Variants in MAN1B1 observed in about 807,000 individuals in gnomAD.
MAN1B1 encodes the protein endoplasmic reticulum mannosyl-oligosaccharide 1,2-alpha-mannosidase.
Under a neutral mutation model 75.5 loss-of-function variants are expected in MAN1B1, and 66 were observed. The ratio of observed to expected loss-of-function variants is 0.87; its 90% confidence interval spans 0.72 to 1.07. MAN1B1 has a LOEUF of 1.07. Ranked by LOEUF, MAN1B1 falls within the 50% of genes least tolerant of loss-of-function variation. MAN1B1 has a pLI of 0.00. For synonymous variants in MAN1B1, 453 were observed against 382.8 expected (o/e 1.18, Z -2.14); for missense variants, 973 against 912.5 (o/e 1.07, Z -0.85).
Position 137,108,823 on chromosome 9 carries a change from C to T in MAN1B1, c.*232C>T. ...GGCCGCTGGAGCCTCCGCCTGCTTC[C>T]TCCAGAAGACACGAATCATGACTCA... On this transcript the variant is annotated 3_prime_UTR_variant, in exon 13 of 13. Transcript: ENST00000371589. 1.5e-6 allele frequency: 1 copy of T among 676,804 alleles called. No individual in the cohort carries two copies. The highest frequency in any genetic ancestry group is 1.5e-5 in the South Asian group (1 of 66,636). The allele number at this position is 676,804 out of a possible 1,614,324, so 41.9% of individuals were successfully genotyped here.
rs376627796 is a variant in MAN1B1 at position 137,097,953 on chromosome 9, C to T, written c.730+16C>T. 12 of 1,530,542 alleles carry T rather than the reference C, an allele frequency of 7.8e-6. No individual in the cohort carries two copies. Among genetic ancestry groups the T allele is most frequent in the East Asian group, 2.4e-5 (1 of 40,908 alleles). 94.8% of individuals were successfully genotyped at this position (1,530,542 alleles called of 1,614,324 possible). A position where few individuals can be genotyped will look rare whatever the true frequency, so the allele number is the denominator to read the frequency against. Reference sequence around the variant, plus strand: ...GGCACACCAGGTGAGGCCACACCTGCACCCCTTCCTCCCCGGGCGCTCAGG... The same window carrying T: ...GGCACACCAGGTGAGGCCACACCTGTACCCCTTCCTCCCCGGGCGCTCAGG... On this transcript the variant is annotated intron_variant, in intron 5 of 12. Coordinates refer to ENST00000371589, the MANE Select transcript of MAN1B1 (RefSeq NM_016219.5).
chr9:137,101,478 T>C lies in MAN1B1; in HGVS notation c.1066-6T>C. Reference sequence around the variant, plus strand: ...ACGTTGGTTCTCTACTCTGCTCATATACCAGGAGGATTTTGGAAATCGGCT... The same window carrying C: ...ACGTTGGTTCTCTACTCTGCTCATACACCAGGAGGATTTTGGAAATCGGCT... On this transcript the variant is annotated splice_region_variant and splice_polypyrimidine_tract_variant and intron_variant, in intron 7 of 12. Coordinates refer to ENST00000371589, the MANE Select transcript of MAN1B1 (RefSeq NM_016219.5). 1.9e-6 allele frequency: 3 copies of C among 1,613,748 alleles called. No individual in the cohort carries two copies. The highest frequency in any genetic ancestry group is 2.2e-5 in the South Asian group (2 of 91,056).
intron 12 of MAN1B1, chr9:137,107,942 C>A: frequency 1.6e-6 from 1 of 636,774 alleles, no homozygotes; most frequent in Non-Finnish European, 2.9e-6. Flanking sequence ...CTGCTGTGGG[C>A]CCAGCATCCC....
rs1247780541 is a variant in MAN1B1 at position 137,103,836 on chromosome 9, G to A, written c.1254+2164G>A. 1.1e-5 allele frequency: 5 copies of A among 455,680 alleles called. No individual in the cohort carries two copies. In the East Asian group the frequency reaches 2.1e-4, roughly 19 times the overall value. 28.2% of individuals were successfully genotyped at this position (455,680 alleles called of 1,614,324 possible). On this transcript the variant is annotated intron_variant, in intron 8 of 12. Coordinates refer to ENST00000371589, the MANE Select transcript of MAN1B1 (RefSeq NM_016219.5). The stretch of plus-strand genomic sequence containing the variant: ...ACTGTTGCAGGCTTGCAGGTCGGTG[G>A]TGTTACACACATTCACACTTGCAGG...
intron 4 of MAN1B1, among the ~76,000 whole-genome samples, chr9:137,097,584 C>T (rs1335359932): frequency 2.0e-5 from 3 of 152,182 alleles, no homozygotes; most frequent in Non-Finnish European, 2.9e-5. Flanking sequence ...CACGATTCTC[C>T]AAGCTCTGGT....
At position 137,103,708 on chromosome 9, in the gene MAN1B1, G is replaced by A. The variant is rs200725202; in HGVS notation, c.1254+2036G>A. 2,160 of 435,662 alleles carry A rather than the reference G, an allele frequency of 5.0e-3. 18 individuals carry two copies. Among genetic ancestry groups the A allele is most frequent in the African/African-American group, 0.022 (1,045 of 47,588 alleles). 27.0% of individuals were successfully genotyped at this position (435,662 alleles called of 1,614,324 possible). ...TACACACATTCACACTGTTGCAGGC[G>A]TGCAGGTCCGTGGTGTTACACACAT... On this transcript the variant is annotated intron_variant, in intron 8 of 12. Transcript: ENST00000371589.
intron 8 of MAN1B1, chr9:137,102,698 G>T: frequency 4.4e-6 from 2 of 450,990 alleles, no homozygotes; most frequent in Non-Finnish European, 8.9e-6. Context: ...AGACATGCAG[G>T]TCGGTGCTGT....
intron 8 of MAN1B1, chr9:137,105,336 C>T (rs1039203575): frequency 2.3e-4 from 17 of 72,998 alleles, no homozygotes; most frequent in African/African-American, 9.7e-4. Context: ...GCAGCCCACA[C>T]CATCCACGTG....
chr9:137,099,248 C>T (rs1830740735), intron 5 of MAN1B1, among the ~76,000 whole-genome samples: 1 of 152,272 alleles, frequency 6.6e-6, no homozygotes, highest in African/African-American at 2.4e-5. Context: ...ATGTTCATCG[C>T]GAGGTCTGCA....
Position 137,099,209 on chromosome 9 carries a change from G to A in MAN1B1, c.731-487G>A, listed in dbSNP as rs773248033. Among the ~76,000 whole-genome samples the A allele has an allele frequency of 7.9e-5, 12 of 152,272 alleles. No homozygotes were observed. The South Asian group carries it at 1.0e-3, about 13-fold the overall frequency. ...TTCCCGTGGAGCACCTGAAGCCCAC[G>A]TGGCAGAAGGAGCGTGTTTGAGTCG... On this transcript the variant is annotated intron_variant, in intron 5 of 12. Transcript: ENST00000371589.
intron 8 of MAN1B1, chr9:137,102,979 C>A: frequency 2.4e-6 from 1 of 418,550 alleles, no homozygotes; most frequent in Non-Finnish European, 4.6e-6. Context: ...TGCAGGCGTG[C>A]AGGTCGGTGG....
In MAN1B1 at chr9:137,088,875, C is replaced by T. The variant is rs760858034; in HGVS notation, c.335C>T (p.Ala112Val). 7.4e-6 allele frequency: 12 copies of T among 1,613,828 alleles called. No individual in the cohort carries two copies. Among genetic ancestry groups the T allele is most frequent in the Middle Eastern group, 1.6e-4 (1 of 6,074 alleles). ...AATAGCTTCTGTTATTCAGCTCTGG[C>T]TTTCAGGCTAGAGGAAGAGCAGAAG... ...INLADHWKAL[A>V]FRLEEEQKMR... The change falls in exon 3 of 13, where the codon GCT (alanine) becomes GTT (valine). Residue 112 changes from alanine to valine, a missense_variant. Physicochemically the swap from Ala to Val is moderately conservative, Grantham distance 64. Transcript: ENST00000371589.
intron 3 of MAN1B1, among the ~76,000 whole-genome samples, chr9:137,091,287 A>G (rs903383902): frequency 6.6e-6 from 1 of 152,174 alleles, no homozygotes; most frequent in Admixed American, 6.5e-5. Flanking sequence ...CTCACAAGTG[A>G]CCCATAAGCC....
chr9:137,107,696 C>T (rs2131132624), intron 12 of MAN1B1, 34 bp downstream of exon 12: 1 of 1,610,484 alleles, frequency 6.2e-7, no homozygotes, highest in Non-Finnish European at 8.5e-7. Flanking sequence ...GTGGTCACGG[C>T]CACCGGGCCA....
intron 3 of MAN1B1, chr9:137,094,514 C>A: frequency 3.8e-6 from 1 of 260,702 alleles, no homozygotes; most frequent in Non-Finnish European, 8.0e-6. Flanking sequence ...CCGAGGCAGG[C>A]AGATTGCTTG....
rs1373764611 is a variant in MAN1B1, at chr9:137,099,795, T to C, written c.830T>C (p.Val277Ala). 1 of 1,614,244 alleles carries C rather than the reference T, an allele frequency of 6.2e-7. No homozygotes were observed. Among genetic ancestry groups the C allele is most frequent in the Non-Finnish European group, 8.5e-7 (1 of 1,180,040 alleles). The change falls in exon 6 of 13, where the codon GTG becomes GCG. Residue 277 changes from valine (V) to alanine (A), a missense_variant. By Grantham distance (64) the Val-to-Ala change is moderately conservative (BLOSUM62 0). Transcript: ENST00000371589. ...TGGGGCCATGACGAGCTGAAGCCTGTGTCCAGGTCCTTCAGTGAGTGGTTT... is the reference window on the plus strand; with the variant it reads ...TGGGGCCATGACGAGCTGAAGCCTGCGTCCAGGTCCTTCAGTGAGTGGTTT... ...FAWGHDELKP[V>A]SRSFSEWFGL...
At chr9:137,093,496 T>A (rs1235444071) in intron 3 of MAN1B1, among the ~76,000 whole-genome samples, 1 of 152,144 alleles carries the variant, frequency 6.6e-6, no homozygotes, top group Non-Finnish European at 1.5e-5. Context: ...AGTACAACAC[T>A]CAAGGTATTT....
Position 137,088,993 on chromosome 9 carries a change from G to T in MAN1B1, c.453G>T (p.Glu151Asp). 6.2e-7 allele frequency: 1 copy of T among 1,613,984 alleles called. No individual in the cohort carries two copies. The highest frequency in any genetic ancestry group is 8.5e-7 in the Non-Finnish European group (1 of 1,180,014). ...KADTDPENLP[E>D]ISSQKTQRHI... ...ACACCGACCCTGAGAACTTACCTGA[G>T]ATTTCGTCACAGGTACTTTGAGCAA... The change falls in exon 3 of 13, where the codon GAG becomes GAT. Residue 151 changes from glutamate (E) to aspartate (D), a missense_variant. Glu to Asp is a conservative substitution (Grantham distance 45, BLOSUM62 2). Transcript: ENST00000371589.
rs1430903884 is a variant in MAN1B1, at chr9:137,097,885, A to G, written c.678A>G (p.Ala226=). 1.3e-6 allele frequency: 2 copies of G among 1,561,140 alleles called. No homozygotes were observed. Among genetic ancestry groups the G allele is most frequent in the Non-Finnish European group, 1.7e-6 (2 of 1,153,286 alleles). Residue 226 remains alanine, a synonymous_variant, in exon 5 of 13, where the codon GCA becomes GCG. Transcript: ENST00000371589. ...EQGTELPSRR[A]EVPTKPPLPP... is the part of the protein sequence containing the mutation. ...GCACCGAGCTCCCTTCAAGAAGAGCAGAAGTGCCCACCAAGCCTCCCCTGC... is the reference window on the plus strand; with the variant it reads ...GCACCGAGCTCCCTTCAAGAAGAGCGGAAGTGCCCACCAAGCCTCCCCTGC...
Sources: gnomAD v4.1 joint callset for allele counts (sites outside exome capture counted in the v4.1 genomes callset) on GRCh38, gnomAD v4.1.1 for gene constraint, MANE v1.5 for transcripts, NCBI Gene and HGNC (gene_info 2026-07-23, HGNC 2026-07-21) for gene names.